Variants in FAM193A observed in about 807,000 individuals in gnomAD.
FAM193A encodes the protein family with sequence similarity 193 member A.
In FAM193A, 22 loss-of-function variants were observed where a neutral mutation model predicts 126.5. The observed-to-expected ratio is 0.17, with a 90% CI of 0.12 to 0.25. The LOEUF (loss-of-function observed/expected upper bound fraction) is 0.25. Ranked by LOEUF, FAM193A falls within the 10% of genes least tolerant of loss-of-function variation. The probability of loss-of-function intolerance (pLI) is 1.00; values close to 1 mark genes in which losing one functional copy is unlikely to be tolerated. For synonymous variants in FAM193A, 761 were observed against 646.8 expected (o/e 1.18, Z -2.68); for missense variants, 1,675 against 1,672.8 (o/e 1.00, Z -0.02).
At chr4:2,614,558 A>T (rs551329874) in intron 2 of FAM193A, among the ~76,000 whole-genome samples, 14 of 152,320 alleles carry the variant, frequency 9.2e-5, no homozygotes, top group African/African-American at 3.4e-4. Flanking sequence ...GAAGGATATT[A>T]GTCTATAAAT....
chr4:2,638,271 T>C (rs1299636024), intron 5 of FAM193A, among the ~76,000 whole-genome samples: 2 of 152,230 alleles, frequency 1.3e-5, no homozygotes, highest in African/African-American at 4.8e-5. Context: ...CAGCGGACTA[T>C]TGTAGCAGGA....
intron 6 of FAM193A, among the ~76,000 whole-genome samples, chr4:2,644,227 C>T (rs79019937): frequency 0.029 from 4,372 of 152,232 alleles, 224 homozygotes; most frequent in African/African-American, 0.099. Flanking sequence ...CCCTCCCCCA[C>T]CCACTTTGCT....
chr4:2,697,627 T>A (rs1157111237), intron 18 of FAM193A, among the ~76,000 whole-genome samples: 1 of 152,172 alleles, frequency 6.6e-6, no homozygotes, highest in Non-Finnish European at 1.5e-5. Flanking sequence ...GACCAGAGGG[T>A]GGGCCCGATG....
chr4:2,649,410 C>T (rs1198891797), intron 7 of FAM193A, among the ~76,000 whole-genome samples: 1 of 150,372 alleles, frequency 6.7e-6, no homozygotes, highest in Non-Finnish European at 1.5e-5. Flanking sequence ...TAGTGGCTCA[C>T]ACCTGTATTC....
At chr4:2,653,891 G>A (rs189791652) in intron 7 of FAM193A, among the ~76,000 whole-genome samples, 140 of 152,222 alleles carry the variant, frequency 9.2e-4, no homozygotes, top group Non-Finnish European at 4.4e-4. Context: ...GGAGGTTGTG[G>A]GGAGCTGAAA....
rs546566749 is a variant in FAM193A at position 2,584,824 on chromosome 4, C to T, written c.256-11260C>T. On this transcript the variant is annotated intron_variant, in intron 1 of 20. Transcript: ENST00000637812. ...CCTGTAGTCCCAGCTACTCAGGAGGCTGAGGCAGGAGAATTGCTTCAACCC... is the reference window on the plus strand; with the variant it reads ...CCTGTAGTCCCAGCTACTCAGGAGGTTGAGGCAGGAGAATTGCTTCAACCC... Among the ~76,000 whole-genome samples, 191 of 152,100 alleles carry T rather than the reference C, an allele frequency of 1.3e-3. 1 individual carries two copies. Among genetic ancestry groups the T allele is most frequent in the African/African-American group, 4.0e-3 (165 of 41,474 alleles).
chr4:2,556,331 G>A lies in FAM193A; in HGVS notation c.255+19161G>A, dbSNP rs28393301. Among the ~76,000 whole-genome samples the A allele has an allele frequency of 2.0e-3, 302 of 151,972 alleles. 1 individual carries two copies. Among genetic ancestry groups the A allele is most frequent in the African/African-American group, 6.3e-3 (260 of 41,432 alleles). ...AGCAATTCCCCTGCCTCAGCCTTCC[G>A]AGTAGCTGGGACTACAGGTACGCAC... is the stretch of plus-strand genomic sequence containing the variant. On this transcript the variant is annotated intron_variant, in intron 1 of 20. Coordinates refer to ENST00000637812, the MANE Select transcript of FAM193A (RefSeq NM_001366318.2).
chr4:2,630,024 C>T (rs1449327979), intron 4 of FAM193A, among the ~76,000 whole-genome samples: 1 of 151,342 alleles, frequency 6.6e-6, no homozygotes, highest in South Asian at 2.1e-4. Context: ...CCCAGCTATT[C>T]GGGAGGCTGA....
At chr4:2,591,307 G>C (rs1457520699) in intron 1 of FAM193A, among the ~76,000 whole-genome samples, 5 of 152,146 alleles carry the variant, frequency 3.3e-5, no homozygotes, top group Non-Finnish European at 7.3e-5. Context: ...GATTTTGCAA[G>C]AACACACTGA....
chr4:2,694,159 AT>A (rs1479968283), intron 16 of FAM193A, among the ~76,000 whole-genome samples: 1 of 152,164 alleles, frequency 6.6e-6, no homozygotes. Context: ...TTTTTTACTC[AT>A]TGTATAAGTT....
Position 2,663,121 on chromosome 4 carries a change from A to C in FAM193A, c.1912A>C (p.Ser638Arg), listed in dbSNP as rs779569508. The C allele has an allele frequency of 5.6e-6, 9 of 1,613,468 alleles. No homozygotes were observed. The highest frequency in any genetic ancestry group is 7.6e-6 in the Non-Finnish European group (9 of 1,179,696). ...ATTGTCTTTAAAGTCTCCTCAGATA[A>C]GCAGTACCAGCAGTAGTTCCTCAGA... ...MALKDESPQI[S>R]STSSSSSEAD... is the part of the protein sequence containing the mutation. Residue 638 changes from serine (S) to arginine (R), a missense_variant, in exon 12 of 21, where the codon AGC becomes CGC. Ser to Arg is a moderately radical substitution (Grantham distance 110). Coordinates refer to ENST00000637812, the MANE Select transcript of FAM193A (RefSeq NM_001366318.2).
chr4:2,616,157 T>C (rs1742172262), intron 2 of FAM193A, among the ~76,000 whole-genome samples: 1 of 152,244 alleles, frequency 6.6e-6, no homozygotes, highest in Non-Finnish European at 1.5e-5. Context: ...ACTTTAGGTA[T>C]TTTGAGCTCT....
At chr4:2,652,730 G>C (rs1175242828) in intron 7 of FAM193A, among the ~76,000 whole-genome samples, 1 of 152,160 alleles carries the variant, frequency 6.6e-6, no homozygotes, top group East Asian at 1.9e-4. Context: ...TTTGGGCGGG[G>C]ACACAAATCT....
intron 5 of FAM193A, among the ~76,000 whole-genome samples, chr4:2,639,280 T>C (rs1744379401): frequency 6.6e-6 from 1 of 152,066 alleles, no homozygotes; most frequent in East Asian, 1.9e-4. Context: ...AGTGGAGAAA[T>C]TGTGTGTATT....
At chr4:2,565,405 G>T (rs989815146) in intron 1 of FAM193A, among the ~76,000 whole-genome samples, 3 of 151,754 alleles carry the variant, frequency 2.0e-5, no homozygotes, top group African/African-American at 7.3e-5. Context: ...GACTACAGGC[G>T]TCCACCACCA....
chr4:2,541,037 G>A (rs1219200968), intron 1 of FAM193A, among the ~76,000 whole-genome samples: 2 of 151,708 alleles, frequency 1.3e-5, no homozygotes, highest in Non-Finnish European at 2.9e-5. Context: ...TTGGGAAGCC[G>A]AGGCAGGAGG....
chr4:2,556,709 C>T (rs1042437339), intron 1 of FAM193A, among the ~76,000 whole-genome samples: 2 of 152,154 alleles, frequency 1.3e-5, no homozygotes, highest in Non-Finnish European at 2.9e-5. Context: ...AATTTCTAAA[C>T]TACCTTGGAG....
At chr4:2,680,485 A>G (rs1714980092) in intron 13 of FAM193A, among the ~76,000 whole-genome samples, 1 of 150,742 alleles carries the variant, frequency 6.6e-6, no homozygotes, top group South Asian at 2.1e-4. Context: ...ACTCCCAGCT[A>G]ATTTTTTTTT....
rs575537231 is a variant in FAM193A, at chr4:2,705,652, C to T, written c.4372+5108C>T. ...TCACCCAGGCTAGAGTGTGGTGGTG[C>T]GGTCATAGCTCACTGCAGCCTGGAA... is the stretch of plus-strand genomic sequence containing the variant. On this transcript the variant is annotated intron_variant, in intron 19 of 20. Coordinates refer to ENST00000637812, the MANE Select transcript of FAM193A (RefSeq NM_001366318.2). 8.6e-5 allele frequency among the ~76,000 whole-genome samples: 13 copies of T among 151,890 alleles called. 1 individual carries two copies. Among genetic ancestry groups the T allele is most frequent in the African/African-American group, 1.7e-4 (7 of 41,424 alleles).
Sources: gnomAD v4.1 joint callset for allele counts (sites outside exome capture counted in the v4.1 genomes callset) on GRCh38, gnomAD v4.1.1 for gene constraint, MANE v1.5 for transcripts, NCBI Gene and HGNC (gene_info 2026-07-23, HGNC 2026-07-21) for gene names.